TUT4: variants seen among roughly 807,000 people sequenced by gnomAD.
TUT4 encodes terminal uridylyl transferase 4, also known as terminal uridylyltransferase 4.
In TUT4, 36 loss-of-function variants were observed where a neutral mutation model predicts 192.2. The ratio of observed to expected loss-of-function variants is 0.19; its 90% confidence interval spans 0.14 to 0.25. TUT4 has a LOEUF of 0.25. TUT4 is among the 10% of genes least tolerant of loss of function. The probability of loss-of-function intolerance (pLI) is 1.00; values close to 1 mark genes in which losing one functional copy is unlikely to be tolerated. For synonymous variants in TUT4, 618 were observed against 666.0 expected (o/e 0.93, Z 1.11); for missense variants, 1,493 against 1,957.2 (o/e 0.76, Z 4.47).
intron 20 of TUT4, among the ~76,000 whole-genome samples, chr1:52,457,676 G>A (rs1661369456): frequency 6.6e-6 from 1 of 152,062 alleles, no homozygotes; most frequent in African/African-American, 2.4e-5. Context: ...CCTCCCTAAC[G>A]CCTACAAATC....
chr1:52,458,559 G>T, intron 19 of TUT4, 110 bp from the exon 20 acceptor site: 1 of 725,662 alleles, frequency 1.4e-6, no homozygotes, highest in Non-Finnish European at 2.2e-6. Context: ...GGGTTAAACT[G>T]AGTTAAAAAC....
At chr1:52,453,384 A>T in intron 20 of TUT4, among the ~76,000 whole-genome samples, 1 of 149,000 alleles carries the variant, frequency 6.7e-6, no homozygotes, top group East Asian at 1.9e-4. Flanking sequence ...CTCCGTCTCA[A>T]AAAAAAAAAA....
At chr1:52,475,740 G>C (rs375644724) in intron 12 of TUT4, among the ~76,000 whole-genome samples, 2 of 152,110 alleles carry the variant, frequency 1.3e-5, no homozygotes, top group South Asian at 4.1e-4. Flanking sequence ...AAAATAAAAA[G>C]CTAAAAGGAA....
intron 4 of TUT4, among the ~76,000 whole-genome samples, chr1:52,498,904 A>T (rs1177038912): frequency 0.37 from 958 of 2,574 alleles, 49 homozygotes; most frequent in African/African-American, 0.48. Flanking sequence ...AAAAAAAATT[A>T]TATATATATA....
At chr1:52,526,949 G>A (rs1268001986) in intron 1 of TUT4, among the ~76,000 whole-genome samples, 3 of 152,068 alleles carry the variant, frequency 2.0e-5, no homozygotes, top group African/African-American at 4.8e-5. Context: ...ACTTGAACCC[G>A]GGAGGCAGAG....
intron 20 of TUT4, among the ~76,000 whole-genome samples, chr1:52,451,485 G>T (rs1659402356): frequency 2.0e-5 from 3 of 152,118 alleles, no homozygotes; most frequent in South Asian, 2.1e-4. Flanking sequence ...GACATTAAAA[G>T]AATAATAACA....
chr1:52,449,233 G>A (rs1410101009), intron 20 of TUT4, among the ~76,000 whole-genome samples: 2 of 152,110 alleles, frequency 1.3e-5, no homozygotes, highest in Admixed American at 6.6e-5. Flanking sequence ...TTTATGTAAA[G>A]AATGACCCTA....
intron 6 of TUT4, among the ~76,000 whole-genome samples, chr1:52,494,069 C>T (rs990706534): frequency 1.6e-4 from 25 of 151,586 alleles, no homozygotes; most frequent in Middle Eastern, 3.4e-3. Context: ...TCCCAAAGCA[C>T]GGGAATTATA....
At chr1:52,477,259 G>A (rs954410302) in intron 12 of TUT4, among the ~76,000 whole-genome samples, 1 of 152,008 alleles carries the variant, frequency 6.6e-6, no homozygotes. Context: ...AACTATAATA[G>A]ACTTGACAAA....
chr1:52,521,089 C>T (rs1003394794), intron 2 of TUT4, among the ~76,000 whole-genome samples: 7 of 151,992 alleles, frequency 4.6e-5, no homozygotes, highest in Non-Finnish European at 1.0e-4. Flanking sequence ...CCACCGTGCC[C>T]GGCCAACTTA....
At chr1:52,453,000 G>A (rs1659866368) in intron 20 of TUT4, among the ~76,000 whole-genome samples, 1 of 152,190 alleles carries the variant, frequency 6.6e-6, no homozygotes, top group African/African-American at 2.4e-5. Flanking sequence ...CGCAGAAGTG[G>A]TTGCTTGCTT....
rs542793678 is a variant in TUT4 at position 52,526,160 on chromosome 1, A to T, written c.121T>A (p.Ser41Thr). ...NQTLKARNDK[S>T]VKEIENSSPN... ...GAGCTGTTCTCAATTTCTTTTACGG[A>T]TTTATCATTTCTAGCTTTCAATGTT... The change falls in exon 2 of 30, where the codon TCC becomes ACC. Residue 41 changes from serine to threonine, a missense_variant. By Grantham distance (58) the Ser-to-Thr change is moderately conservative. Transcript: ENST00000257177. 6.2e-7 allele frequency: 1 copy of T among 1,612,242 alleles called. No individual in the cohort carries two copies. The highest frequency in any genetic ancestry group is 2.2e-5 in the East Asian group (1 of 44,814).
chr1:52,458,595 ACT>A (rs973921700), intron 19 of TUT4, 146 bp from the exon 20 acceptor site: 13 of 523,128 alleles, frequency 2.5e-5, no homozygotes, highest in African/African-American at 2.4e-4. Context: ...TAATCCCAAC[ACT>A]CTGGGAGGTT....
chr1:52,463,566 C>T, intron 16 of TUT4: 2 of 1,244,162 alleles, frequency 1.6e-6, no homozygotes, highest in Non-Finnish European at 2.1e-6. Flanking sequence ...GACACCACTA[C>T]AGATGCCAGA....
chr1:52,425,150 C>T (rs1402336588), intron 29 of TUT4, 199 bp downstream of exon 29: 4 of 491,534 alleles, frequency 8.1e-6, no homozygotes, highest in Non-Finnish European at 1.3e-5. Flanking sequence ...ACATGTCTGG[C>T]TTTCCTAATA....
At chr1:52,518,066 A>G (rs995367970) in intron 2 of TUT4, among the ~76,000 whole-genome samples, 2 of 152,248 alleles carry the variant, frequency 1.3e-5, no homozygotes, top group Non-Finnish European at 2.9e-5. Flanking sequence ...TTGTGTTCCA[A>G]AAACAATAGT....
chr1:52,449,911 G>A (rs1658847384), intron 20 of TUT4, among the ~76,000 whole-genome samples: 2 of 152,058 alleles, frequency 1.3e-5, no homozygotes, highest in South Asian at 4.1e-4. Flanking sequence ...ACTTCACTTA[G>A]CATAATGTCC....
rs373454290 is a variant in TUT4, at chr1:52,475,462, T to C, written c.2097A>G (p.Arg699=). 15 of 1,613,972 alleles carry C rather than the reference T, an allele frequency of 9.3e-6. No homozygotes were observed. Among genetic ancestry groups the C allele is most frequent in the Non-Finnish European group, 1.2e-5 (14 of 1,180,044 alleles). Residue 699 remains arginine (R), a synonymous_variant, in exon 13 of 30, where the codon AGA becomes AGG. Coordinates refer to ENST00000257177, the MANE Select transcript of TUT4 (RefSeq NM_001009881.3). ...CAAAATACCGATAAGCTGCCCTAAA[T>C]CTCTCCACAACATATTCGTAAACCA... ...SQLVYEYVVE[R]FRAAYRYFAC...
Position 52,537,188 on chromosome 1 carries a change from A to G in TUT4, c.-93-10815T>C, listed in dbSNP as rs181824844. 2.0e-4 allele frequency among the ~76,000 whole-genome samples: 31 copies of G among 152,094 alleles called. 1 individual carries two copies. The highest frequency in any genetic ancestry group is 1.4e-3 in the Admixed American group (21 of 15,270). ...CAAAATAAATAAATAAATAAAAATT[A>G]AAAAAAAGAGAGAGATTGGCAAATT... On this transcript the variant is annotated intron_variant, in intron 1 of 29. Coordinates refer to ENST00000257177, the MANE Select transcript of TUT4 (RefSeq NM_001009881.3).
Sources: gnomAD v4.1 joint callset for allele counts (sites outside exome capture counted in the v4.1 genomes callset) on GRCh38, gnomAD v4.1.1 for gene constraint, MANE v1.5 for transcripts, NCBI Gene and HGNC (gene_info 2026-07-23, HGNC 2026-07-21) for gene names.